The following EEF2K variants were observed in gnomAD, a reference collection of about 807,000 sequenced individuals.
The protein encoded by EEF2K is eukaryotic elongation factor 2 kinase, also known as alternative protein EEF2K.
In EEF2K, 70 loss-of-function variants were observed where a neutral mutation model predicts 93.8. That is an observed-to-expected ratio of 0.75 (90% confidence interval 0.62 to 0.91). EEF2K has a LOEUF of 0.91. Ranked by LOEUF, EEF2K falls within the 40% of genes least tolerant of loss-of-function variation. The pLI is 0.00. For synonymous variants in EEF2K, 376 were observed against 380.8 expected (o/e 0.99, Z 0.15); for missense variants, 935 against 972.9 (o/e 0.96, Z 0.52).
At chr16:22,270,850 G>A (rs1024218988) in intron 15 of EEF2K, among the ~76,000 whole-genome samples, 1 of 152,104 alleles carries the variant, frequency 6.6e-6, no homozygotes, top group African/African-American at 2.4e-5. Flanking sequence ...AGATGGTGAG[G>A]AGGAGGTTTG....
At chr16:22,242,477 T>C (rs1017683807) in intron 2 of EEF2K, among the ~76,000 whole-genome samples, 12 of 142,092 alleles carry the variant, frequency 8.4e-5, no homozygotes, top group African/African-American at 2.8e-4. Flanking sequence ...TGCACCCAGC[T>C]TTTTTTTTTT....
chr16:22,265,954 C>T (rs1282483885), intron 13 of EEF2K, among the ~76,000 whole-genome samples: 1 of 152,114 alleles, frequency 6.6e-6, no homozygotes, highest in African/African-American at 2.4e-5. Flanking sequence ...ACCCCCACCC[C>T]CAACCAAATC....
intron 13 of EEF2K, 172 bp downstream of exon 13, chr16:22,265,052 G>A: frequency 1.5e-6 from 1 of 668,640 alleles, no homozygotes; most frequent in Non-Finnish European, 2.5e-6. Flanking sequence ...ACCTCTGCAG[G>A]GCAGGATGCT....
intron 2 of EEF2K, among the ~76,000 whole-genome samples, chr16:22,238,435 T>G (rs1206215841): frequency 2.0e-5 from 3 of 151,438 alleles, no homozygotes; most frequent in African/African-American, 7.3e-5. Flanking sequence ...GAGGCTAGAG[T>G]TCAAGACCAC....
intron 2 of EEF2K, 88 bp downstream of exon 2, chr16:22,226,063 G>C: frequency 6.4e-7 from 1 of 1,553,990 alleles, no homozygotes; most frequent in South Asian, 1.2e-5. Context: ...GGACTTCTTC[G>C]TATTTCCAAA....
intron 1 of EEF2K, among the ~76,000 whole-genome samples, chr16:22,217,553 C>G (rs149564085): frequency 1.8e-3 from 270 of 152,232 alleles, no homozygotes; most frequent in African/African-American, 5.7e-3. Flanking sequence ...AAACAATTCT[C>G]CCACCTCAGC....
In EEF2K at chr16:22,267,667, G is replaced by C. The variant is rs548907744; in HGVS notation, c.1764+791G>C. 3.9e-5 allele frequency among the ~76,000 whole-genome samples: 6 copies of C among 152,212 alleles called. No individual in the cohort carries two copies. In the South Asian group the frequency reaches 8.3e-4, roughly 21 times the overall value. On this transcript the variant is annotated intron_variant, in intron 15 of 17. Coordinates refer to ENST00000263026, the MANE Select transcript of EEF2K (RefSeq NM_013302.5). ...CCAAAGGGAGTGAGCCAGGCCAAGT[G>C]GGGGAGGTGAGCAGCTCAGGTAGAA... is the stretch of plus-strand genomic sequence containing the variant.
At chr16:22,256,920 CCT>C (rs2141673697) in intron 7 of EEF2K, 23 bp downstream of exon 7, 2 of 1,612,162 alleles carry the variant, frequency 1.2e-6, no homozygotes, top group East Asian at 4.5e-5. Context: ...TCACCTCCAC[CCT>C]CTGCCCACCA....
At chr16:22,281,078 G>A (rs2141690187) in intron 17 of EEF2K, among the ~76,000 whole-genome samples, 1 of 151,794 alleles carries the variant, frequency 6.6e-6, no homozygotes, top group South Asian at 2.1e-4. Context: ...GGGACTACAG[G>A]CACACACCCA....
At chr16:22,248,972 A>ATTT (rs201664759) in intron 4 of EEF2K, among the ~76,000 whole-genome samples, 157 bp downstream of exon 4, 29 of 126,508 alleles carry the variant, frequency 2.3e-4, no homozygotes, top group African/African-American at 8.1e-4. Flanking sequence ...TGTAGCCAGC[A>ATTT]TTTTTTTTTT....
intron 15 of EEF2K, among the ~76,000 whole-genome samples, chr16:22,270,264 AC>A (rs1002775049): frequency 6.6e-6 from 1 of 150,696 alleles, no homozygotes; most frequent in African/African-American, 2.4e-5. Flanking sequence ...TTTTACAGGC[AC>A]CTGCCACCAC....
intron 10 of EEF2K, 34 bp from the exon 11 acceptor site, chr16:22,260,428 A>G (rs768801078): frequency 3.7e-6 from 6 of 1,613,514 alleles, no homozygotes; most frequent in Non-Finnish European, 5.1e-6. Context: ...CCAGTAGTGG[A>G]ACCAGGACAT....
At chr16:22,253,663 C>CTT (rs200380200) in intron 6 of EEF2K, among the ~76,000 whole-genome samples, 2 of 146,638 alleles carry the variant, frequency 1.4e-5, no homozygotes, top group African/African-American at 2.5e-5. Context: ...ATCATTCTAA[C>CTT]TTTTTTTTTT....
intron 17 of EEF2K, among the ~76,000 whole-genome samples, chr16:22,280,876 T>C (rs1316829418): frequency 6.6e-6 from 1 of 152,188 alleles, no homozygotes; most frequent in African/African-American, 2.4e-5. Context: ...TTGGCCAGGC[T>C]GGTCTCGAAC....
chr16:22,254,048 G>A (rs1457878223), intron 6 of EEF2K, among the ~76,000 whole-genome samples: 7 of 152,088 alleles, frequency 4.6e-5, no homozygotes, highest in Admixed American at 1.3e-4. Flanking sequence ...GCAGTGAGCC[G>A]AGATTGGGCT....
chr16:22,244,749 G>A lies in EEF2K; in HGVS notation c.347+19G>A, dbSNP rs750671490. On this transcript the variant is annotated intron_variant, in intron 3 of 17. Transcript: ENST00000263026. ...GACACAGGTCAGCAGCTTGTGTGGG[G>A]TCTCGAGGAGTCCTGGGGGCTATAC... 2 of 1,612,712 alleles carry A rather than the reference G, an allele frequency of 1.2e-6. No homozygotes were observed. Among genetic ancestry groups the A allele is most frequent in the Admixed American group, 1.7e-5 (1 of 59,952 alleles).
At chr16:22,230,515 TTTC>T (rs759133143) in intron 2 of EEF2K, among the ~76,000 whole-genome samples, 3 of 151,590 alleles carry the variant, frequency 2.0e-5, no homozygotes, top group East Asian at 1.9e-4. Context: ...TGCCCAGCCT[TTTC>T]TTCTTCTTTT....
At position 22,285,849 on chromosome 16, in the gene EEF2K, C is replaced by A. The variant is rs961855854; in HGVS notation, c.*1853C>A. On this transcript the variant is annotated 3_prime_UTR_variant, in exon 18 of 18. Coordinates refer to ENST00000263026, the MANE Select transcript of EEF2K (RefSeq NM_013302.5). ...GTTGCTTATGCAGAGAGATTATTTT[C>A]TTTTTATTATTTTATAATTTTTGAA... The A allele has an allele frequency of 1.3e-5, 2 of 152,022 alleles. No individual in the cohort carries two copies. Among genetic ancestry groups the A allele is most frequent in the African/African-American group, 2.4e-5 (1 of 41,310 alleles). The allele number at this position is 152,022 out of a possible 1,614,324, so 9.4% of individuals were successfully genotyped here.
rs369023767 is a variant in EEF2K, at chr16:22,283,903, G to C, written c.2085G>C (p.Gln695His). The stretch of plus-strand genomic sequence containing the variant: ...GTCTTTCAGGGGACTTGTATACCCA[G>C]GCAGCAGAGGCAGCGATGGAAGCCA... ...DPQRSGDLYT[Q>H]AAEAAMEAMK... Residue 695 changes from glutamine to histidine, a missense_variant, in exon 18 of 18, where the codon CAG becomes CAC. Physicochemically the swap from Gln to His is conservative, Grantham distance 24. Coordinates refer to ENST00000263026, the MANE Select transcript of EEF2K (RefSeq NM_013302.5). The C allele has an allele frequency of 4.4e-6, 7 of 1,597,090 alleles. No individual in the cohort carries two copies. The highest frequency in any genetic ancestry group is 6.0e-6 in the Non-Finnish European group (7 of 1,172,084).
Sources: gnomAD v4.1 joint callset for allele counts (sites outside exome capture counted in the v4.1 genomes callset) on GRCh38, gnomAD v4.1.1 for gene constraint, MANE v1.5 for transcripts, NCBI Gene and HGNC (gene_info 2026-07-23, HGNC 2026-07-21) for gene names.